Variants in FASTKD1 observed in about 807,000 individuals in gnomAD.
FASTKD1 encodes FAST kinase domain-containing protein 1, mitochondrial.
In FASTKD1, 94 loss-of-function variants were observed where a neutral mutation model predicts 90.9. The ratio of observed to expected loss-of-function variants is 1.03; its 90% CI spans 0.88 to 1.23. The LOEUF (loss-of-function observed/expected upper bound fraction) is 1.23, where lower values mean the gene tolerates loss of function less well. Among genes scored for constraint, FASTKD1 ranks in the 50% most tolerant of loss-of-function variants. The pLI is 0.00. For missense variants in FASTKD1, 945 were observed against 993.5 expected, an observed-to-expected ratio of 0.95 and a Z score of 0.66; for synonymous variants, 319 against 345.8, an observed-to-expected ratio of 0.92 and a Z score of 0.86.
At chr2:169,562,470 T>C (rs887022251) in intron 4 of FASTKD1, among the ~76,000 whole-genome samples, 8 of 152,152 alleles carry the variant, frequency 5.3e-5, no homozygotes, top group Non-Finnish European at 1.0e-4. Context: ...TGACATCAAG[T>C]GATCCACCCA....
At chr2:169,550,400 A>T (rs1351813706) in intron 7 of FASTKD1, among the ~76,000 whole-genome samples, 4 of 152,262 alleles carry the variant, frequency 2.6e-5, no homozygotes, top group Non-Finnish European at 5.9e-5. Flanking sequence ...TGTAGTATAC[A>T]ACAAGGAAAT....
At chr2:169,536,559 A>G (rs1197700000) in intron 12 of FASTKD1, among the ~76,000 whole-genome samples, 1 of 152,202 alleles carries the variant, frequency 6.6e-6, no homozygotes, top group African/African-American at 2.4e-5. Context: ...CCTTTTAAAT[A>G]TCCTGTATAT....
Position 169,571,775 on chromosome 2 carries a change from C to T in FASTKD1, c.255G>A (p.Leu85=). 3 of 1,614,060 alleles carry T rather than the reference C, an allele frequency of 1.9e-6. No homozygotes were observed. Among genetic ancestry groups the T allele is most frequent in the Non-Finnish European group, 2.5e-6 (3 of 1,179,996 alleles). Residue 85 remains leucine (L), a synonymous_variant, in exon 2 of 15, where the codon CTG becomes CTA. Coordinates refer to ENST00000453153, the MANE Select transcript of FASTKD1 (RefSeq NM_024622.6). ...LWKLQKQKTS[L]LKNAEYVRDH... ...CTCTGACATACTCAGCATTTTTTAA[C>T]AGGCTGGTCTTCTGCTTTTGAAGCT...
chr2:169,530,521 A>G, intron 14 of FASTKD1, 66 bp downstream of exon 14: 2 of 841,784 alleles, frequency 2.4e-6, no homozygotes, highest in African/African-American at 1.8e-5. Flanking sequence ...TCACATTAAA[A>G]GGAAGCACAT....
intron 7 of FASTKD1, among the ~76,000 whole-genome samples, chr2:169,547,040 C>A (rs1685238334): frequency 6.6e-6 from 1 of 152,198 alleles, no homozygotes; most frequent in Non-Finnish European, 1.5e-5. Context: ...ACTCCACTTG[C>A]AAAAGTAGGC....
intron 9 of FASTKD1, among the ~76,000 whole-genome samples, chr2:169,541,741 T>A (rs79142104): frequency 6.6e-6 from 1 of 152,214 alleles, no homozygotes; most frequent in African/African-American, 2.4e-5. Context: ...ATGGAAGCTC[T>A]CAGTATCTGT....
At chr2:169,565,672 T>A (rs1683943146) in intron 3 of FASTKD1, among the ~76,000 whole-genome samples, 1 of 152,206 alleles carries the variant, frequency 6.6e-6, no homozygotes, top group African/African-American at 2.4e-5. Context: ...ATCTCTTCAA[T>A]ATATTGATTT....
chr2:169,538,165 A>C, intron 10 of FASTKD1, 24 bp from the exon 11 acceptor site: 1 of 1,577,174 alleles, frequency 6.3e-7, no homozygotes, highest in Non-Finnish European at 8.6e-7. Flanking sequence ...AATACTAATG[A>C]ATTTTGATAG....
chr2:169,540,649 ACTTATAT>A (rs537139622), intron 9 of FASTKD1, among the ~76,000 whole-genome samples: 66 of 152,348 alleles, frequency 4.3e-4, no homozygotes, highest in Middle Eastern at 6.8e-3. Flanking sequence ...ATATTAACTC[ACTTATAT>A]CTTATATCAG....
At position 169,541,136 on chromosome 2, in the gene FASTKD1, A is replaced by T. The variant is rs1684940019; in HGVS notation, c.1817-957T>A. On this transcript the variant is annotated intron_variant, in intron 9 of 14. Coordinates refer to ENST00000453153, the MANE Select transcript of FASTKD1 (RefSeq NM_024622.6). Reference sequence around the variant, plus strand: ...AATAGTGATGATTTCTACCAGCAAAACTAATCTGTCAAAATTCGTCTTTAC... The same window carrying T: ...AATAGTGATGATTTCTACCAGCAAATCTAATCTGTCAAAATTCGTCTTTAC... 2.6e-5 allele frequency among the ~76,000 whole-genome samples: 4 copies of T among 152,316 alleles called. No homozygotes were observed. In the South Asian group the frequency reaches 8.3e-4, roughly 32 times the overall value.
intron 10 of FASTKD1, among the ~76,000 whole-genome samples, chr2:169,539,291 A>C (rs984997185): frequency 4.0e-5 from 6 of 151,506 alleles, no homozygotes; most frequent in African/African-American, 1.5e-4. Flanking sequence ...AAGAAAAAGA[A>C]AAAGAAAGAA....
At chr2:169,562,183 T>A (rs1293959597) in intron 4 of FASTKD1, among the ~76,000 whole-genome samples, 1 of 150,900 alleles carries the variant, frequency 6.6e-6, no homozygotes, top group African/African-American at 2.4e-5. Flanking sequence ...TTTGGTTTTT[T>A]TGGATTTTGT....
chr2:169,563,566 G>T (rs972238768), intron 3 of FASTKD1, among the ~76,000 whole-genome samples: 3 of 152,050 alleles, frequency 2.0e-5, no homozygotes, highest in Non-Finnish European at 2.9e-5. Context: ...TTATTTGAAT[G>T]ATTTACTTAA....
At position 169,571,899 on chromosome 2, in the gene FASTKD1, T is replaced by C; in HGVS notation, c.131A>G (p.Asn44Ser). ...CATTTGCTCCTCATCTGTACACTTA[T>C]TCATCTGAATAATTAGTGGTTCACA... is the stretch of plus-strand genomic sequence containing the variant. ...ISCEPLIIQMNKCTDEEQMFG... is the reference protein window; with the variant it reads ...ISCEPLIIQMSKCTDEEQMFG... Residue 44 changes from asparagine to serine, a missense_variant, in exon 2 of 15, where the codon AAT becomes AGT. By Grantham distance (46) the Asn-to-Ser change is conservative. Coordinates refer to ENST00000453153, the MANE Select transcript of FASTKD1 (RefSeq NM_024622.6). 1 of 1,614,112 alleles carries C rather than the reference T, an allele frequency of 6.2e-7. No individual in the cohort carries two copies. Among genetic ancestry groups the C allele is most frequent in the Non-Finnish European group, 8.5e-7 (1 of 1,180,002 alleles).
intron 3 of FASTKD1, among the ~76,000 whole-genome samples, chr2:169,568,071 A>T (rs575652579): frequency 5.9e-5 from 9 of 152,348 alleles, no homozygotes; most frequent in African/African-American, 2.2e-4. Context: ...CTGAAAATAG[A>T]GCTGTGTACA....
chr2:169,561,213 G>A (rs1002560964), intron 4 of FASTKD1, among the ~76,000 whole-genome samples: 3 of 151,296 alleles, frequency 2.0e-5, no homozygotes, highest in Middle Eastern at 3.4e-3. Flanking sequence ...CAGGAAAATC[G>A]CTTGAACCCA....
intron 10 of FASTKD1, among the ~76,000 whole-genome samples, chr2:169,538,854 A>T (rs1267377517): frequency 1.3e-5 from 2 of 152,174 alleles, no homozygotes; most frequent in Non-Finnish European, 1.5e-5. Flanking sequence ...GATATTATGT[A>T]GCCAATAAAA....
chr2:169,562,130 T>C lies in FASTKD1; in HGVS notation c.572+1095A>G, dbSNP rs184249944. On this transcript the variant is annotated intron_variant, in intron 4 of 14. Coordinates refer to ENST00000453153, the MANE Select transcript of FASTKD1 (RefSeq NM_024622.6). ...ATTTATTAATTTATTGTAAATTAAT[T>C]ATTTATTAATTTATTGTAAATTAAT... Among the ~76,000 whole-genome samples, 18 of 131,114 alleles carry C rather than the reference T, an allele frequency of 1.4e-4. 2 individuals are homozygous for C. The East Asian group carries it at 2.2e-3, about 16-fold the overall frequency. The allele number at this position is 131,114 out of a possible 152,430, so 86.0% of individuals were successfully genotyped here. A position where few individuals can be genotyped will look rare whatever the true frequency, so the allele number is the denominator to read the frequency against.
At chr2:169,563,541 G>A (rs1683810010) in intron 3 of FASTKD1, among the ~76,000 whole-genome samples, 191 bp from the exon 4 acceptor site, 1 of 152,052 alleles carries the variant, frequency 6.6e-6, no homozygotes, top group African/African-American at 2.4e-5. Context: ...TTGAAAGGGG[G>A]AAAATCACTA....
Sources: gnomAD v4.1 joint callset for allele counts (sites outside exome capture counted in the v4.1 genomes callset) on GRCh38, gnomAD v4.1.1 for gene constraint, MANE v1.5 for transcripts, NCBI Gene and HGNC (gene_info 2026-07-23, HGNC 2026-07-21) for gene names.